The following WDFY3 variants were observed in gnomAD, a reference collection of about 807,000 sequenced individuals.
WDFY3 encodes the protein WD repeat and FYVE domain-containing protein 3.
A neutral mutation model predicts 409.6 loss-of-function variants in WDFY3; 66 were observed. The ratio of observed to expected loss-of-function variants is 0.16; its 90% confidence interval spans 0.13 to 0.20. WDFY3 has a LOEUF of 0.20. Among genes scored for constraint, WDFY3 ranks in the 10% least tolerant of loss-of-function variants. The probability of loss-of-function intolerance (pLI) is 1.00; values close to 1 mark genes in which losing one functional copy is unlikely to be tolerated. For missense variants in WDFY3, 3,031 were observed against 4,298.1 expected (o/e 0.71, Z 8.24); for synonymous variants, 1,521 against 1,537.1 (o/e 0.99, Z 0.25).
intron 3 of WDFY3, among the ~76,000 whole-genome samples, chr4:84,865,219 A>G (rs928564360): frequency 3.2e-4 from 49 of 152,168 alleles, no homozygotes; most frequent in African/African-American, 1.2e-3. Context: ...AAAAATACAC[A>G]TGATCACATT....
chr4:84,878,687 A>G (rs1227443255), intron 3 of WDFY3, among the ~76,000 whole-genome samples: 1 of 152,206 alleles, frequency 6.6e-6, no homozygotes, highest in Non-Finnish European at 1.5e-5. Flanking sequence ...CTGCTTTAAG[A>G]GCATTTTGTA....
At chr4:84,910,226 G>C (rs775130217) in intron 2 of WDFY3, among the ~76,000 whole-genome samples, 1 of 152,082 alleles carries the variant, frequency 6.6e-6, no homozygotes, top group African/African-American at 2.4e-5. Flanking sequence ...ATACGCACAG[G>C]TTATGTGCAA....
chr4:84,804,049 C>T (rs1314882526), intron 15 of WDFY3: 1 of 152,190 alleles, frequency 6.6e-6, no homozygotes, highest in African/African-American at 2.4e-5. Context: ...TCTTCTGCAT[C>T]TATCCTCATT....
rs1461505068 is a variant in WDFY3, at chr4:84,951,382, C to T, written c.-226+14827G>A. The stretch of plus-strand genomic sequence containing the variant: ...GTGGGTTGAACTCTCATGAAGAAAA[C>T]AGATTATCTGATGCCAGAGCAGTCT... On this transcript the variant is annotated intron_variant, in intron 1 of 67. Transcript: ENST00000295888. Among the ~76,000 whole-genome samples the T allele has an allele frequency of 2.0e-5, 3 of 152,152 alleles. No individual in the cohort carries two copies. In the South Asian group the frequency reaches 6.2e-4, roughly 31 times the overall value.
At chr4:84,961,569 A>G (rs769903721) in intron 1 of WDFY3, among the ~76,000 whole-genome samples, 6 of 152,230 alleles carry the variant, frequency 3.9e-5, no homozygotes, top group Non-Finnish European at 5.9e-5. Context: ...ACAACATGAA[A>G]GATGAGTGCA....
At chr4:84,879,748 A>T (rs1055106575) in intron 3 of WDFY3, among the ~76,000 whole-genome samples, 5 of 152,348 alleles carry the variant, frequency 3.3e-5, no homozygotes, top group African/African-American at 1.2e-4. Context: ...AAAGCATTAC[A>T]TTCAAAATAT....
chr4:84,711,879 A>G (rs978359460), intron 51 of WDFY3, among the ~76,000 whole-genome samples: 5 of 151,924 alleles, frequency 3.3e-5, no homozygotes, highest in African/African-American at 4.8e-5. Flanking sequence ...TAATATACAA[A>G]GTTAGCAAGT....
Position 84,780,095 on chromosome 4 carries a change from TAC to T in WDFY3, c.4365+11_4365+12del, listed in dbSNP as rs1746240630. ...GCCAGGTGAAGTGAAGGCAAAGTTT[TAC>T]AGTTACAAACCTGGTAGCCCTTGAT... On this transcript the variant is annotated intron_variant, in intron 26 of 67. Transcript: ENST00000295888. The T allele has an allele frequency of 6.4e-7, 1 of 1,559,202 alleles. No individual in the cohort carries two copies. The highest frequency in any genetic ancestry group is 8.7e-7 in the Non-Finnish European group (1 of 1,153,172).
At chr4:84,681,021 A>C (rs1410973628) in intron 64 of WDFY3, among the ~76,000 whole-genome samples, 1 of 152,122 alleles carries the variant, frequency 6.6e-6, no homozygotes, top group African/African-American at 2.4e-5. Flanking sequence ...TGAAGTTTTC[A>C]CCCCAACGGC....
chr4:84,803,118 C>T, intron 16 of WDFY3, 172 bp downstream of exon 16: 2 of 638,480 alleles, frequency 3.1e-6, no homozygotes, highest in Non-Finnish European at 4.9e-6. Flanking sequence ...TACATATCTA[C>T]CATTTATCAT....
chr4:84,808,953 A>C (rs1260665937), intron 14 of WDFY3: 2 of 152,374 alleles, frequency 1.3e-5, no homozygotes, highest in African/African-American at 4.8e-5. Context: ...ATCTCAGTTG[A>C]TACTTCAAAG....
chr4:84,681,056 G>A (rs911676210), intron 64 of WDFY3, among the ~76,000 whole-genome samples: 3 of 152,118 alleles, frequency 2.0e-5, no homozygotes, highest in South Asian at 2.1e-4. Context: ...TCTGAGGTCC[G>A]CAAACAAGCA....
chr4:84,680,369 A>T (rs1727153405), intron 64 of WDFY3, among the ~76,000 whole-genome samples: 1 of 152,226 alleles, frequency 6.6e-6, no homozygotes, highest in African/African-American at 2.4e-5. Flanking sequence ...AGCTCACTGC[A>T]GCCTCAACCT....
intron 9 of WDFY3, among the ~76,000 whole-genome samples, chr4:84,828,286 G>A (rs924101065): frequency 1.7e-4 from 1 of 5,788 alleles, no homozygotes; most frequent in African/African-American, 1.9e-4. Flanking sequence ...AAATGGAAAA[G>A]GGGGTTAAGT....
chr4:84,771,072 C>T (rs1744600200), intron 30 of WDFY3, among the ~76,000 whole-genome samples: 1 of 152,158 alleles, frequency 6.6e-6, no homozygotes, highest in South Asian at 2.1e-4. Flanking sequence ...TACAACACTA[C>T]TATGGTTACT....
chr4:84,797,671 C>T (rs1428818687), intron 18 of WDFY3, among the ~76,000 whole-genome samples: 1 of 151,876 alleles, frequency 6.6e-6, no homozygotes, highest in Non-Finnish European at 1.5e-5. Flanking sequence ...AGCTCTGCCT[C>T]CCGGGTTCAC....
chr4:84,761,575 C>T (rs1462156586), intron 32 of WDFY3, among the ~76,000 whole-genome samples: 1 of 152,000 alleles, frequency 6.6e-6, no homozygotes, highest in Non-Finnish European at 1.5e-5. Flanking sequence ...GTCTAAAACA[C>T]CAAAAGCAAT....
intron 29 of WDFY3, 101 bp downstream of exon 29, chr4:84,774,719 T>C: frequency 8.3e-7 from 1 of 1,200,706 alleles, no homozygotes; most frequent in Non-Finnish European, 1.2e-6. Flanking sequence ...TTACAGGTGT[T>C]ATTACACAGT....
chr4:84,690,439 T>C (rs1729063464), intron 61 of WDFY3, 67 bp downstream of exon 61: 5 of 1,608,990 alleles, frequency 3.1e-6, no homozygotes, highest in East Asian at 2.2e-5. Context: ...AGCTTTTTAC[T>C]TCCTACAGGG....
Sources: allele counts gnomAD v4.1 joint callset (sites outside exome capture counted in the v4.1 genomes callset), GRCh38; gene constraint gnomAD v4.1.1; transcripts MANE v1.5; gene names NCBI Gene and HGNC (gene_info 2026-07-23, HGNC 2026-07-21).